The following PIWIL1 variants were observed in gnomAD, a reference collection of about 807,000 sequenced individuals.
PIWIL1 encodes piwi-like protein 1.
PIWIL1 carries 73 observed loss-of-function variants against 114.4 expected under a neutral mutation model. The ratio of observed to expected loss-of-function variants is 0.64; its 90% CI spans 0.53 to 0.78. The LOEUF (loss-of-function observed/expected upper bound fraction) is 0.78. Ranked by LOEUF, PIWIL1 falls within the 30% of genes least tolerant of loss-of-function variation. The pLI, the probability that PIWIL1 is intolerant of heterozygous loss-of-function variation, is 0.00. For synonymous variants in PIWIL1, 375 were observed against 369.0 expected, an observed-to-expected ratio of 1.02 and a Z score of -0.19; for missense variants, 723 against 1,063.1, an observed-to-expected ratio of 0.68 and a Z score of 4.45.
the PIWIL1 span, among the ~76,000 whole-genome samples, chr12:130,390,531 A>G: frequency 6.6e-5 from 10 of 152,226 alleles, no homozygotes; most frequent in African/African-American, 9.6e-5. Flanking sequence ...CCCTGCTCCA[A>G]TTCAGCCACC....
the PIWIL1 span, chr12:130,424,280 G>A: frequency 1.4e-5 from 17 of 1,231,916 alleles, no homozygotes; most frequent in Admixed American, 4.2e-5. This position sits in a 1 kb window ranked among gnomAD's most constrained non-coding sequence, Gnocchi z 9.8. Context: ...GCTTCCTGGG[G>A]GGCGGCCTCT....
At chr12:130,400,519 G>A in the PIWIL1 span, among the ~76,000 whole-genome samples, 6 of 152,112 alleles carry the variant, frequency 3.9e-5, no homozygotes, top group African/African-American at 7.2e-5. Flanking sequence ...GGCCTACCAC[G>A]TCACTTCTTC....
downstream of PIWIL1, among the ~76,000 whole-genome samples, chr12:130,374,070 T>C (rs2073848091): frequency 6.6e-6 from 1 of 152,146 alleles, no homozygotes. Flanking sequence ...TCCCCAAAAG[T>C]GCATGCCTGT....
In PIWIL1 at chr12:130,341,684, A is replaced by G. The variant is rs141836305; in HGVS notation, c.-12-896A>G. Among the ~76,000 whole-genome samples the G allele has an allele frequency of 1.5e-3, 222 of 152,372 alleles. 1 individual carries two copies. The highest frequency in any genetic ancestry group is 5.1e-3 in the African/African-American group (212 of 41,594). ...CAGTAGGTTATTCCAACCATTCGAC[A>G]AAGAGTCACACGCTATGTTGTTTTC... On this transcript the variant is annotated intron_variant, in intron 1 of 20. Coordinates refer to ENST00000245255, the MANE Select transcript of PIWIL1 (RefSeq NM_004764.5).
chr12:130,411,106 T>C, the PIWIL1 span, among the ~76,000 whole-genome samples: 2 of 152,226 alleles, frequency 1.3e-5, no homozygotes, highest in Admixed American at 6.5e-5. Context: ...TGTTGTGTCA[T>C]TGTAAACGGC....
chr12:130,339,936 T>C (rs548523919), intron 1 of PIWIL1, among the ~76,000 whole-genome samples: 1 of 152,344 alleles, frequency 6.6e-6, no homozygotes, highest in East Asian at 1.9e-4. Flanking sequence ...AGCTTGTCAC[T>C]GTTTTTTAAT....
At chr12:130,400,375 T>A in the PIWIL1 span, among the ~76,000 whole-genome samples, 3 of 152,332 alleles carry the variant, frequency 2.0e-5, no homozygotes, top group South Asian at 6.2e-4. Flanking sequence ...GTTGATAACC[T>A]CCTCAGACAT....
chr12:130,384,598 T>C, the PIWIL1 span, among the ~76,000 whole-genome samples: 1 of 152,240 alleles, frequency 6.6e-6, no homozygotes, highest in Non-Finnish European at 1.5e-5. Context: ...TTGATTACCA[T>C]ATGAAGTGTT....
At chr12:130,389,687 TTAGTC>T in the PIWIL1 span, among the ~76,000 whole-genome samples, 2 of 152,198 alleles carry the variant, frequency 1.3e-5, no homozygotes, top group Non-Finnish European at 2.9e-5. Context: ...TGTATTTCCT[TTAGTC>T]TAGTTCAAAG....
intron 18 of PIWIL1, among the ~76,000 whole-genome samples, chr12:130,366,137 T>C (rs1349303445): frequency 6.6e-6 from 1 of 152,206 alleles, no homozygotes; most frequent in Non-Finnish European, 1.5e-5. Context: ...AAGGAACTAA[T>C]GTTGTAGTTG....
At chr12:130,349,584 G>C in intron 8 of PIWIL1, 148 bp downstream of exon 8, 1 of 634,938 alleles carries the variant, frequency 1.6e-6, no homozygotes, top group South Asian at 2.0e-5. Context: ...GCTTTCCCAG[G>C]ATCATAGTTT....
chr12:130,424,972 G>T, the PIWIL1 span: 192 of 550,098 alleles, frequency 3.5e-4, 1 homozygote, highest in African/African-American at 9.5e-4. This position sits in a 1 kb window ranked among gnomAD's most constrained non-coding sequence, Gnocchi z 9.8. Context: ...GGCACCGAGG[G>T]GGGGGAAGCA....
At chr12:130,407,913 G>T in the PIWIL1 span, 1 of 1,226,610 alleles carries the variant, frequency 8.2e-7, no homozygotes, top group Admixed American at 1.7e-5. Context: ...GGTCACACAT[G>T]GCCAATACAG....
chr12:130,388,978 A>C, the PIWIL1 span, among the ~76,000 whole-genome samples: 1 of 152,168 alleles, frequency 6.6e-6, no homozygotes, highest in Non-Finnish European at 1.5e-5. Flanking sequence ...ACCTTTTACC[A>C]GGTTAACAAT....
chr12:130,361,465 A>G (rs1319654273), intron 15 of PIWIL1, 33 bp from the exon 16 acceptor site: 5 of 1,610,434 alleles, frequency 3.1e-6, no homozygotes, highest in Non-Finnish European at 4.2e-6. Flanking sequence ...CTGGTACTCC[A>G]TTGTATCTAA....
At chr12:130,343,149 C>T (rs1038461708) in intron 3 of PIWIL1, 48 bp downstream of exon 3, 2 of 1,300,822 alleles carry the variant, frequency 1.5e-6, no homozygotes, top group Non-Finnish European at 2.1e-6. Flanking sequence ...TCAACATATA[C>T]AGCAAATTTT....
chr12:130,409,807 G>T, the PIWIL1 span, among the ~76,000 whole-genome samples: 1 of 152,198 alleles, frequency 6.6e-6, no homozygotes, highest in Admixed American at 6.5e-5. Flanking sequence ...CACCTGAGTT[G>T]TTTCCAGATT....
At chr12:130,386,423 ATTCACCCATGCACACTACCCCTT>A in the PIWIL1 span, among the ~76,000 whole-genome samples, 2 of 58,886 alleles carry the variant, frequency 3.4e-5, no homozygotes, top group Non-Finnish European at 7.8e-5. Flanking sequence ...TCCTGTCTCC[ATTCACCCATGCACACTACCCCTT>A]CCTGTCTCCA....
the PIWIL1 span, chr12:130,424,626 G>A: frequency 8.1e-7 from 1 of 1,231,920 alleles, no homozygotes; most frequent in Non-Finnish European, 1.0e-6. The surrounding 1 kb of genome is among the most constrained non-coding windows in gnomAD (Gnocchi z 9.8). Flanking sequence ...CGGGAACCAG[G>A]AGCCCCGAGG....
Sources: gnomAD v4.1 joint callset for allele counts (sites outside exome capture counted in the v4.1 genomes callset) on GRCh38, gnomAD v4.1.1 for gene constraint, Gnocchi (gnomAD v3.1) non-coding constraint, MANE v1.5 for transcripts, NCBI Gene and HGNC (gene_info 2026-07-23, HGNC 2026-07-21) for gene names.